ITIH2: variants seen among roughly 807,000 people sequenced by gnomAD.
The protein encoded by ITIH2 is inter-alpha-trypsin inhibitor heavy chain H2.
Under a neutral mutation model 104.4 loss-of-function variants are expected in ITIH2, and 103 were observed. That is an observed-to-expected ratio of 0.99 (90% CI 0.84 to 1.16). The LOEUF (loss-of-function observed/expected upper bound fraction) is 1.16. ITIH2 is among the 50% of genes most tolerant of loss of function. ITIH2 has a pLI of 0.00. For synonymous variants in ITIH2, 436 were observed against 435.4 expected (o/e 1.00, Z -0.02); for missense variants, 1,108 against 1,162.4 (o/e 0.95, Z 0.68).
At chr10:7,736,809 A>C (rs1438109541) in intron 15 of ITIH2, among the ~76,000 whole-genome samples, 33 of 152,174 alleles carry the variant, frequency 2.2e-4, no homozygotes, top group Non-Finnish European at 4.4e-5. Context: ...CTTTTAAGAG[A>C]ACTTGTATGG....
chr10:7,721,433 A>G (rs555302181), intron 7 of ITIH2, among the ~76,000 whole-genome samples: 1 of 152,334 alleles, frequency 6.6e-6, no homozygotes, highest in African/African-American at 2.4e-5. Flanking sequence ...GCTTTCTTCT[A>G]AAAAGGTCTG....
At chr10:7,730,400 A>G (rs1834991662) in intron 12 of ITIH2, among the ~76,000 whole-genome samples, 1 of 152,236 alleles carries the variant, frequency 6.6e-6, no homozygotes, top group Admixed American at 6.5e-5. Context: ...TCTGAGCGTC[A>G]TCAAAGCTCC....
rs140805193 is a variant in ITIH2 at position 7,709,048 on chromosome 10, T to C, written c.219T>C (p.Tyr73=). The C allele has an allele frequency of 6.8e-6, 11 of 1,614,136 alleles. No homozygotes were observed. The African/African-American group carries it at 1.3e-4, about 20-fold the overall frequency. ...MMEEVDQVTL[Y]SYKVQSTITS... Reference sequence around the variant, plus strand: ...AAGAGGTTGATCAAGTAACTCTTTATAGCTATAAAGTCCAGTCTACTATTA... The same window carrying C: ...AAGAGGTTGATCAAGTAACTCTTTACAGCTATAAAGTCCAGTCTACTATTA... The change falls in exon 4 of 21, where the codon TAT becomes TAC. Residue 73 remains tyrosine (Y), a synonymous_variant. Coordinates refer to ENST00000358415, the MANE Select transcript of ITIH2 (RefSeq NM_002216.3).
Position 7,737,406 on chromosome 10 carries a change from CATATATAT to C in ITIH2, c.1958-1201_1958-1194del, listed in dbSNP as rs375717121. The stretch of plus-strand genomic sequence containing the variant: ...TATATACACACACGTGTATATATCT[CATATATAT>C]ATATATATATATACACGTGTATATA... On this transcript the variant is annotated intron_variant, in intron 15 of 20. Coordinates refer to ENST00000358415, the MANE Select transcript of ITIH2 (RefSeq NM_002216.3). 1.4e-4 allele frequency among the ~76,000 whole-genome samples: 17 copies of C among 121,702 alleles called. 1 individual carries two copies. In the South Asian group the frequency reaches 4.3e-3, roughly 31 times the overall value. The allele number at this position is 121,702 out of a possible 152,430, so 79.8% of individuals were successfully genotyped here.
In ITIH2 at chr10:7,719,483, T is replaced by A. The variant is rs562651015; in HGVS notation, c.631-1373T>A. ...TAAATAATTTGAAGCAATGGTTAGATGTGATTAGCATCTAAGCCTAGGAGG... is the reference window on the plus strand; with the variant it reads ...TAAATAATTTGAAGCAATGGTTAGAAGTGATTAGCATCTAAGCCTAGGAGG... On this transcript the variant is annotated intron_variant, in intron 6 of 20. Transcript: ENST00000358415. Among the ~76,000 whole-genome samples the A allele has an allele frequency of 2.1e-4, 32 of 152,268 alleles. No homozygotes were observed. The South Asian group carries it at 6.4e-3, about 31-fold the overall frequency.
rs1834967115 is a variant in ITIH2 at position 7,727,944 on chromosome 10, A to C, written c.1279+116A>C. On this transcript the variant is annotated intron_variant, in intron 11 of 20. Transcript: ENST00000358415. ...TTGCCTGAGTTTCTAGAACATTTTA[A>C]ACCCATGCTTCCTAAAGGAGGTCTT... 4.2e-5 allele frequency: 51 copies of C among 1,205,782 alleles called. No individual in the cohort carries two copies. The South Asian group carries it at 7.2e-4, about 17-fold the overall frequency. 74.7% of individuals were successfully genotyped at this position (1,205,782 alleles called of 1,614,324 possible).
At chr10:7,748,133 CGGAAG>C (rs1835197101) in intron 20 of ITIH2, among the ~76,000 whole-genome samples, 1 of 150,890 alleles carries the variant, frequency 6.6e-6, no homozygotes, top group Non-Finnish European at 1.5e-5. Context: ...CACTTGAACC[CGGAAG>C]GCAGAGGTTG....
At position 7,711,114 on chromosome 10, in the gene ITIH2, G is replaced by C. The variant is rs139854157; in HGVS notation, c.362+1923G>C. ...TGCCCCCTACCGCCCGACAGGACAC[G>C]GTGTGTAATATTCCCCTCCCTGTGT... On this transcript the variant is annotated intron_variant, in intron 4 of 20. Coordinates refer to ENST00000358415, the MANE Select transcript of ITIH2 (RefSeq NM_002216.3). Among the ~76,000 whole-genome samples the C allele has an allele frequency of 4.5e-3, 682 of 152,052 alleles. 7 individuals are homozygous for C. The highest frequency in any genetic ancestry group is 0.016 in the African/African-American group (664 of 41,486).
At chr10:7,747,246 C>A (rs2130969226) in intron 20 of ITIH2, among the ~76,000 whole-genome samples, 1 of 152,308 alleles carries the variant, frequency 6.6e-6, no homozygotes, top group East Asian at 1.9e-4. Context: ...ACAGTTGTCT[C>A]ACCCATGCCA....
In ITIH2 at chr10:7,732,000, C is replaced by T. The variant is rs1220539978; in HGVS notation, c.1647+4C>T. On this transcript the variant is annotated splice_donor_region_variant and intron_variant, in intron 13 of 20. Coordinates refer to ENST00000358415, the MANE Select transcript of ITIH2 (RefSeq NM_002216.3). ...GAGCGTTATCACGGCGACTTCGGTA[C>T]TTCCACTTATCCATTTATTCTATCT... 6 of 1,608,894 alleles carry T rather than the reference C, an allele frequency of 3.7e-6. No homozygotes were observed. The highest frequency in any genetic ancestry group is 2.7e-5 in the African/African-American group (2 of 74,800).
chr10:7,737,586 C>CTATAGAATATTA (rs1835070037), intron 15 of ITIH2, among the ~76,000 whole-genome samples: 1 of 125,998 alleles, frequency 7.9e-6, no homozygotes, highest in African/African-American at 3.2e-5. Context: ...ATTCTATATT[C>CTATAGAATATTA]TATATTATAT....
At chr10:7,707,635 A>T (rs113889195) in intron 3 of ITIH2, among the ~76,000 whole-genome samples, 5,921 of 152,122 alleles carry the variant, frequency 0.039, 138 homozygotes, top group Middle Eastern at 0.12. Context: ...GCATGATCTC[A>T]GCTCACTGCA....
intron 4 of ITIH2, 39 bp from the exon 5 acceptor site, chr10:7,713,142 A>G (rs2130940479): frequency 2.0e-6 from 3 of 1,482,394 alleles, no homozygotes; most frequent in East Asian, 2.3e-5. Context: ...AAAAAAGATT[A>G]CTATTCTGAC....
At chr10:7,725,737 C>G (rs762513253) in intron 9 of ITIH2, among the ~76,000 whole-genome samples, 1 of 152,110 alleles carries the variant, frequency 6.6e-6, no homozygotes, top group Non-Finnish European at 1.5e-5. Context: ...GCCATGGAAG[C>G]GTGGTGTTCA....
chr10:7,748,575 T>C (rs1358708505), intron 20 of ITIH2, among the ~76,000 whole-genome samples: 39 of 124,010 alleles, frequency 3.1e-4, no homozygotes, highest in Non-Finnish European at 5.2e-4. Flanking sequence ...AGAGTCTTGC[T>C]CTGTCGCCCA....
At chr10:7,724,774 T>A (rs1834937553) in intron 9 of ITIH2, among the ~76,000 whole-genome samples, 1 of 151,992 alleles carries the variant, frequency 6.6e-6, no homozygotes, top group Non-Finnish European at 1.5e-5. Flanking sequence ...CAGCATGGTC[T>A]ATGGTCTATT....
intron 12 of ITIH2, among the ~76,000 whole-genome samples, chr10:7,731,086 T>A (rs899656462): frequency 1.3e-5 from 2 of 151,954 alleles, no homozygotes; most frequent in Admixed American, 1.3e-4. Flanking sequence ...GCCCGGCTAA[T>A]TTTTGTATTT....
At chr10:7,740,326 A>G (rs1208211221) in intron 16 of ITIH2, among the ~76,000 whole-genome samples, 3 of 151,976 alleles carry the variant, frequency 2.0e-5, no homozygotes, top group African/African-American at 7.3e-5. Flanking sequence ...TTTGTACAAC[A>G]CTCCCGTCTC....
chr10:7,704,879 C>T (rs1387915384), intron 1 of ITIH2, among the ~76,000 whole-genome samples: 1 of 150,114 alleles, frequency 6.7e-6, no homozygotes, highest in Non-Finnish European at 1.5e-5. Context: ...AACGAGAACA[C>T]ATGGACACAG....
Sources: allele counts gnomAD v4.1 joint callset (sites outside exome capture counted in the v4.1 genomes callset), GRCh38; gene constraint gnomAD v4.1.1; transcripts MANE v1.5; gene names NCBI Gene and HGNC (gene_info 2026-07-23, HGNC 2026-07-21).